Variants in WDR48 observed in about 807,000 individuals in gnomAD.
The protein encoded by WDR48 is WD repeat domain 48.
A neutral mutation model predicts 94.0 loss-of-function variants in WDR48; 22 were observed. The ratio of observed to expected loss-of-function variants is 0.23; its 90% CI spans 0.17 to 0.33. The LOEUF (loss-of-function observed/expected upper bound fraction) is 0.33. Among genes scored for constraint, WDR48 ranks in the 10% least tolerant of loss-of-function variants. The pLI, the probability that WDR48 is intolerant of heterozygous loss-of-function variation, is 1.00. For synonymous variants in WDR48, 278 were observed against 280.5 expected (o/e 0.99, Z 0.09); for missense variants, 541 against 813.8 (o/e 0.66, Z 4.08).
chr3:39,066,261 G>A (rs775489198), intron 3 of WDR48, among the ~76,000 whole-genome samples: 6 of 152,100 alleles, frequency 3.9e-5, no homozygotes, highest in Non-Finnish European at 4.4e-5. Context: ...TTTGCAGTCC[G>A]AGTTACAGGA....
Position 39,084,712 on chromosome 3 carries a change from T to A in WDR48, c.1349T>A (p.Phe450Tyr). 6.2e-7 allele frequency: 1 copy of A among 1,613,848 alleles called. No homozygotes were observed. Among genetic ancestry groups the A allele is most frequent in the East Asian group, 2.2e-5 (1 of 44,844 alleles). Residue 450 changes from phenylalanine to tyrosine, a missense_variant, in exon 13 of 19, where the codon TTC becomes TAC. By Grantham distance (22) the Phe-to-Tyr change is conservative (BLOSUM62 3). This residue lies in a region of WDR48 where 238 missense variants were observed against 285.3 expected (regional missense o/e 0.83). Coordinates refer to ENST00000302313, the MANE Select transcript of WDR48 (RefSeq NM_020839.4). ...AAWVSAKDAG[F>Y]SSPDGSDPKL... ...TGGGTTTCTGCAAAAGATGCTGGTT[T>A]CAGCAGCCCTGATGGGTCAGATCCA...
intron 13 of WDR48, 144 bp from the exon 14 acceptor site, chr3:39,085,368 TAAA>T: frequency 1.5e-6 from 1 of 678,464 alleles, no homozygotes; most frequent in Non-Finnish European, 2.5e-6. Context: ...GCAAAATGAC[TAAA>T]GTCTTTATTT....
chr3:39,052,406 C>G, intron 1 of WDR48: 1 of 271,436 alleles, frequency 3.7e-6, no homozygotes, highest in South Asian at 4.0e-5. Flanking sequence ...CCCTGTCTTT[C>G]TTCGAAGCGC....
intron 9 of WDR48, among the ~76,000 whole-genome samples, chr3:39,077,829 T>C (rs1015840704): frequency 4.9e-5 from 7 of 143,904 alleles, no homozygotes; most frequent in African/African-American, 8.9e-5. Flanking sequence ...TGTATACTTA[T>C]TTTTTAAATG....
At position 39,094,941 on chromosome 3, in the gene WDR48, C is replaced by A; in HGVS notation, c.*198C>A. On this transcript the variant is annotated 3_prime_UTR_variant, in exon 19 of 19. Coordinates refer to ENST00000302313, the MANE Select transcript of WDR48 (RefSeq NM_020839.4). ...GTCTCCATGTGTAGATTAAGCTGTCCCCAGGGAAGCAGAGTGCAAGAGCAG... is the reference window on the plus strand; with the variant it reads ...GTCTCCATGTGTAGATTAAGCTGTCACCAGGGAAGCAGAGTGCAAGAGCAG... The A allele has an allele frequency of 1.4e-6, 1 of 693,644 alleles. No individual in the cohort carries two copies. Among genetic ancestry groups the A allele is most frequent in the Non-Finnish European group, 2.3e-6 (1 of 427,320 alleles). 43.0% of individuals were successfully genotyped at this position (693,644 alleles called of 1,614,324 possible).
At chr3:39,054,698 T>G (rs1434413104) in intron 1 of WDR48, among the ~76,000 whole-genome samples, 1 of 152,220 alleles carries the variant, frequency 6.6e-6, no homozygotes, top group Non-Finnish European at 1.5e-5. Context: ...CTTGAATTGC[T>G]ATAAAGAAAT....
At chr3:39,072,893 C>T (rs1018734707) in intron 7 of WDR48, among the ~76,000 whole-genome samples, 2 of 152,034 alleles carry the variant, frequency 1.3e-5, no homozygotes, top group Non-Finnish European at 2.9e-5. Context: ...TCTGCTTTTC[C>T]GTAGTCTTAG....
intron 1 of WDR48, among the ~76,000 whole-genome samples, chr3:39,056,873 A>T (rs1455120629): frequency 6.6e-6 from 1 of 152,212 alleles, no homozygotes; most frequent in South Asian, 2.1e-4. Flanking sequence ...CCAGAAAAGC[A>T]GTAAAGGAAA....
Position 39,094,908 on chromosome 3 carries a change from A to G in WDR48, c.*165A>G, listed in dbSNP as rs1575443362. 1 of 912,600 alleles carries G rather than the reference A, an allele frequency of 1.1e-6. No homozygotes were observed. The highest frequency in any genetic ancestry group is 2.6e-5 in the East Asian group (1 of 39,140). The allele number at this position is 912,600 out of a possible 1,614,324, so 56.5% of individuals were successfully genotyped here. A position where few individuals can be genotyped will look rare whatever the true frequency, so the allele number is the denominator to read the frequency against. On this transcript the variant is annotated 3_prime_UTR_variant, in exon 19 of 19. Coordinates refer to ENST00000302313, the MANE Select transcript of WDR48 (RefSeq NM_020839.4). ...GAAGTGACTAATCGAGATGTAATATAGAAACCAGTCTCCATGTGTAGATTA... is the reference window on the plus strand; with the variant it reads ...GAAGTGACTAATCGAGATGTAATATGGAAACCAGTCTCCATGTGTAGATTA...
chr3:39,057,857 G>A (rs1350601614), intron 1 of WDR48, among the ~76,000 whole-genome samples: 3 of 152,128 alleles, frequency 2.0e-5, no homozygotes, highest in African/African-American at 4.8e-5. Flanking sequence ...TCCTGACCTC[G>A]TGATCTGCCC....
At chr3:39,073,280 G>A (rs1295760112) in intron 7 of WDR48, among the ~76,000 whole-genome samples, 1 of 152,118 alleles carries the variant, frequency 6.6e-6, no homozygotes, top group African/African-American at 2.4e-5. Flanking sequence ...TTGCTTTATT[G>A]GTTAGTTTCT....
intron 13 of WDR48, among the ~76,000 whole-genome samples, chr3:39,085,151 C>G (rs1395952606): frequency 6.6e-6 from 1 of 151,664 alleles, no homozygotes; most frequent in Non-Finnish European, 1.5e-5. Flanking sequence ...GGCGTGAACC[C>G]GGGAGGCGGA....
chr3:39,061,046 T>C (rs2033225876), intron 1 of WDR48, among the ~76,000 whole-genome samples: 1 of 152,232 alleles, frequency 6.6e-6, no homozygotes, highest in South Asian at 2.1e-4. Context: ...TGGTTTAAGA[T>C]GTGGAGAAAG....
intron 10 of WDR48, among the ~76,000 whole-genome samples, chr3:39,078,857 C>T (rs911367768): frequency 2.0e-5 from 3 of 151,582 alleles, no homozygotes; most frequent in Non-Finnish European, 2.9e-5. Context: ...GGTGAAACCC[C>T]GTCTCTACTA....
chr3:39,095,089 A>C lies in WDR48; in HGVS notation c.*346A>C, dbSNP rs2035278103. ...CTACCCATTAACACTTGTTAGAGACACCTCAGTCGGGCCACAACTGTCTCT... is the reference window on the plus strand; with the variant it reads ...CTACCCATTAACACTTGTTAGAGACCCCTCAGTCGGGCCACAACTGTCTCT... On this transcript the variant is annotated 3_prime_UTR_variant, in exon 19 of 19. Coordinates refer to ENST00000302313, the MANE Select transcript of WDR48 (RefSeq NM_020839.4). 7.5e-6 allele frequency: 2 copies of C among 265,906 alleles called. No individual in the cohort carries two copies. Among genetic ancestry groups the C allele is most frequent in the Non-Finnish European group, 1.4e-5 (2 of 139,134 alleles). The allele number at this position is 265,906 out of a possible 1,614,324, so 16.5% of individuals were successfully genotyped here.
At chr3:39,084,360 G>A (rs1460928153) in intron 12 of WDR48, 98 bp downstream of exon 12, 35 of 827,352 alleles carry the variant, frequency 4.2e-5, no homozygotes, top group Non-Finnish European at 5.6e-5. Flanking sequence ...GTTTTTAGGT[G>A]TGAAAAAAAA....
At chr3:39,061,339 A>T (rs1184588833) in intron 1 of WDR48, among the ~76,000 whole-genome samples, 1 of 149,330 alleles carries the variant, frequency 6.7e-6, no homozygotes, top group Admixed American at 6.7e-5. Flanking sequence ...TACGAGTGAG[A>T]ACATGTGGTG....
chr3:39,070,355 T>C (rs2033856974), intron 7 of WDR48, among the ~76,000 whole-genome samples: 1 of 152,230 alleles, frequency 6.6e-6, no homozygotes, highest in Non-Finnish European at 1.5e-5. Flanking sequence ...ATGTCTACCA[T>C]GTACCCTTGA....
At position 39,084,244 on chromosome 3, in the gene WDR48, A is replaced by C. The variant is rs2034692898; in HGVS notation, c.1263A>C (p.Ser421=). The part of the protein sequence containing the change: ...FKMVYVPNWF[S]VDLKTGMLTI... Reference sequence around the variant, plus strand: ...TGGTGTATGTGCCAAATTGGTTCTCAGTAGACTTAAAAACAGGGGTAAGTT... The same window carrying C: ...TGGTGTATGTGCCAAATTGGTTCTCCGTAGACTTAAAAACAGGGGTAAGTT... The change falls in exon 12 of 19, where the codon TCA becomes TCC. Residue 421 remains serine (S), a synonymous_variant. Coordinates refer to ENST00000302313, the MANE Select transcript of WDR48 (RefSeq NM_020839.4). 1 of 1,610,202 alleles carries C rather than the reference A, an allele frequency of 6.2e-7. No individual in the cohort carries two copies. The highest frequency in any genetic ancestry group is 8.5e-7 in the Non-Finnish European group (1 of 1,177,518).
Sources: gnomAD v4.1 joint callset for allele counts (sites outside exome capture counted in the v4.1 genomes callset) on GRCh38, gnomAD v4.1.1 for gene constraint, gnomAD v4.1.1 regional missense constraint, MANE v1.5 for transcripts, NCBI Gene and HGNC (gene_info 2026-07-23, HGNC 2026-07-21) for gene names.